The following WDR25 variants were observed in gnomAD, a reference collection of about 807,000 sequenced individuals.
WDR25 encodes WD repeat-containing protein 25.
In WDR25, 35 loss-of-function variants were observed where a neutral mutation model predicts 47.7. The ratio of observed to expected loss-of-function variants is 0.73; its 90% CI spans 0.56 to 0.97. WDR25 has a LOEUF of 0.97. WDR25 is among the 50% of genes least tolerant of loss of function. WDR25 has a pLI of 0.00. For synonymous variants in WDR25, 248 were observed against 278.9 expected (o/e 0.89, Z 1.10); for missense variants, 634 against 704.7 (o/e 0.90, Z 1.14).
intron 2 of WDR25, among the ~76,000 whole-genome samples, chr14:100,433,747 A>G (rs376948951): frequency 6.6e-6 from 1 of 152,304 alleles, no homozygotes; most frequent in Non-Finnish European, 1.5e-5. Context: ...TTATAATAAT[A>G]CATTTTTATC....
chr14:100,482,772 G>A (rs927615796), intron 3 of WDR25, among the ~76,000 whole-genome samples: 17 of 152,334 alleles, frequency 1.1e-4, no homozygotes, highest in African/African-American at 3.1e-4. Flanking sequence ...CTGGGTTCCC[G>A]TGAGTGGAAA....
At chr14:100,528,741 C>T (rs1001117576) in intron 5 of WDR25, among the ~76,000 whole-genome samples, 3 of 152,180 alleles carry the variant, frequency 2.0e-5, no homozygotes, top group African/African-American at 7.2e-5. Context: ...GGGCATTTTC[C>T]TGCCTGCCAC....
chr14:100,446,550 C>CAAAAA (rs55946078), intron 2 of WDR25, among the ~76,000 whole-genome samples: 3 of 75,008 alleles, frequency 4.0e-5, no homozygotes, highest in Non-Finnish European at 7.2e-5. Context: ...GACTCCATCT[C>CAAAAA]AAAAAAAAAA....
chr14:100,406,225 G>A (rs1267644092), intron 2 of WDR25, among the ~76,000 whole-genome samples: 2 of 152,166 alleles, frequency 1.3e-5, no homozygotes, highest in African/African-American at 4.8e-5. Flanking sequence ...AGTCGGCTTC[G>A]GAGGCCCGTT....
At chr14:100,414,597 G>A (rs1420466901) in intron 2 of WDR25, among the ~76,000 whole-genome samples, 5 of 152,176 alleles carry the variant, frequency 3.3e-5, no homozygotes, top group Non-Finnish European at 1.5e-5. Flanking sequence ...ACAGGCATGA[G>A]CCACCGCACC....
intron 2 of WDR25, among the ~76,000 whole-genome samples, chr14:100,405,800 G>A (rs945338339): frequency 2.0e-5 from 3 of 152,134 alleles, no homozygotes; most frequent in African/African-American, 7.2e-5. Context: ...TTCTCTTTGG[G>A]GAAGGGCGGA....
At chr14:100,429,355 G>A (rs761987642) in intron 2 of WDR25, among the ~76,000 whole-genome samples, 2 of 152,198 alleles carry the variant, frequency 1.3e-5, no homozygotes, top group Non-Finnish European at 2.9e-5. Flanking sequence ...AAGCAGGCAT[G>A]CAGGACCTGG....
In WDR25 at chr14:100,498,934, T is replaced by A. The variant is rs1900824271; in HGVS notation, c.1101+14810T>A. Among the ~76,000 whole-genome samples the A allele has an allele frequency of 6.6e-6, 1 of 152,196 alleles. No individual in the cohort carries two copies. Among genetic ancestry groups the A allele is most frequent in the South Asian group, 2.1e-4 (1 of 4,830 alleles). ...GGGGCTGTGAGCCGATGAGAGGGCT[T>A]GTCGTGGGGTCCCCCTGTGACTTGG... On this transcript the variant is annotated intron_variant, in intron 4 of 6. Transcript: ENST00000402312. This position sits in a 1 kb window ranked among gnomAD's most constrained non-coding sequence, Gnocchi z 4.2.
chr14:100,466,671 C>T (rs576062564), intron 2 of WDR25, among the ~76,000 whole-genome samples: 38 of 152,278 alleles, frequency 2.5e-4, no homozygotes, highest in Admixed American at 1.3e-3. Flanking sequence ...AGCCAAGGCC[C>T]GAGGCCTGCC....
chr14:100,390,256 GT>G (rs1353237477), intron 2 of WDR25, among the ~76,000 whole-genome samples: 1 of 151,806 alleles, frequency 6.6e-6, no homozygotes, highest in Non-Finnish European at 1.5e-5. Flanking sequence ...AAGTTTTCCT[GT>G]TTTCTGAAAT....
At position 100,525,859 on chromosome 14, in the gene WDR25, C is replaced by A. The variant is rs375132894; in HGVS notation, c.1102-11C>A. The A allele has an allele frequency of 5.0e-6, 8 of 1,612,728 alleles. No homozygotes were observed. The highest frequency in any genetic ancestry group is 6.8e-6 in the Non-Finnish European group (8 of 1,179,214). ...CAGGCCTGCCAGCATGACCGGTGTC[C>A]GCTCTTGCAGGTGATGAGAAGCTAC... On this transcript the variant is annotated splice_polypyrimidine_tract_variant and intron_variant, in intron 4 of 6. Coordinates refer to ENST00000402312, the MANE Select transcript of WDR25 (RefSeq NM_001161476.3). This position sits in a 1 kb window ranked among gnomAD's most constrained non-coding sequence, Gnocchi z 4.6.
At position 100,523,697 on chromosome 14, in the gene WDR25, C is replaced by G. The variant is rs1253312478; in HGVS notation, c.1102-2173C>G. ...GCATCCCCCAGGTTTGCTGGTGGGC[C>G]GAGTGGTGGGCAGATTGTAGGGACA... On this transcript the variant is annotated intron_variant, in intron 4 of 6. Coordinates refer to ENST00000402312, the MANE Select transcript of WDR25 (RefSeq NM_001161476.3). The surrounding 1 kb of genome is among the most constrained non-coding windows in gnomAD (Gnocchi z 4.7). Among the ~76,000 whole-genome samples the G allele has an allele frequency of 6.6e-6, 1 of 152,038 alleles. No individual in the cohort carries two copies. Among genetic ancestry groups the G allele is most frequent in the Non-Finnish European group, 1.5e-5 (1 of 68,014 alleles).
chr14:100,512,293 C>G (rs748077378), intron 4 of WDR25, among the ~76,000 whole-genome samples: 1 of 152,132 alleles, frequency 6.6e-6, no homozygotes. Context: ...TAGGGCTATT[C>G]TGATTTTCTA....
At chr14:100,486,044 C>G (rs1431932068) in intron 4 of WDR25, among the ~76,000 whole-genome samples, 1 of 143,650 alleles carries the variant, frequency 7.0e-6, no homozygotes, top group Non-Finnish European at 1.5e-5. Context: ...GACACAGTGG[C>G]ATTAAAAAAA....
At chr14:100,510,800 G>T (rs1283465608) in intron 4 of WDR25, among the ~76,000 whole-genome samples, 1 of 144,852 alleles carries the variant, frequency 6.9e-6, no homozygotes, top group African/African-American at 2.8e-5. Flanking sequence ...ACAGGGTCTC[G>T]CCATGTTGCC....
chr14:100,407,150 C>G lies in WDR25; in HGVS notation c.822+25404C>G, dbSNP rs1462912783. 6.6e-6 allele frequency: 1 copy of G among 152,204 alleles called. No individual in the cohort carries two copies. The highest frequency in any genetic ancestry group is 1.5e-5 in the Non-Finnish European group (1 of 68,044). The allele number at this position is 152,204 out of a possible 1,614,324, so 9.4% of individuals were successfully genotyped here. A position where few individuals can be genotyped will look rare whatever the true frequency, so the allele number is the denominator to read the frequency against. ...CTGCGGTTAACATCTTAATAGTAAC[C>G]GGAGAGTTTCTGAGAGATTAGGTGA... On this transcript the variant is annotated intron_variant, in intron 2 of 6. Coordinates refer to ENST00000402312, the MANE Select transcript of WDR25 (RefSeq NM_001161476.3). This position sits in a 1 kb window ranked among gnomAD's most constrained non-coding sequence, Gnocchi z 4.1.
rs1321983106 is a variant in WDR25, at chr14:100,459,688, C to T, written c.823-8333C>T. ...ATGTGAATACAAAGACAGCCATCTA[C>T]AAGTCAAGGAGAGAGGTCTGGAACA... On this transcript the variant is annotated intron_variant, in intron 2 of 6. Coordinates refer to ENST00000402312, the MANE Select transcript of WDR25 (RefSeq NM_001161476.3). 2.0e-5 allele frequency among the ~76,000 whole-genome samples: 3 copies of T among 151,556 alleles called. No homozygotes were observed. In the East Asian group the frequency reaches 5.8e-4, roughly 29 times the overall value.
intron 2 of WDR25, among the ~76,000 whole-genome samples, chr14:100,427,632 G>A (rs1595527387): frequency 2.6e-5 from 4 of 152,216 alleles, no homozygotes; most frequent in Admixed American, 2.0e-4. Flanking sequence ...GTGGGGTCCC[G>A]TCATCACTTG....
chr14:100,400,663 T>C (rs1055571660), intron 2 of WDR25, among the ~76,000 whole-genome samples: 1 of 152,250 alleles, frequency 6.6e-6, no homozygotes, highest in East Asian at 1.9e-4. Context: ...ATACAGGGCA[T>C]GATAAAAAGC....
Sources: allele counts gnomAD v4.1 joint callset (sites outside exome capture counted in the v4.1 genomes callset), GRCh38; gene constraint gnomAD v4.1.1; non-coding constraint Gnocchi (gnomAD v3.1); transcripts MANE v1.5; gene names NCBI Gene and HGNC (gene_info 2026-07-23, HGNC 2026-07-21).